Variants in PSME2 observed in about 807,000 individuals in gnomAD.
The protein encoded by PSME2 is proteasome activator complex subunit 2.
Under a neutral mutation model 38.8 loss-of-function variants are expected in PSME2, and 20 were observed. The ratio of observed to expected loss-of-function variants is 0.52; its 90% CI spans 0.36 to 0.75. PSME2 has a LOEUF of 0.75. PSME2 is among the 30% of genes least tolerant of loss of function. PSME2 has a pLI of 0.00. For missense variants in PSME2, 227 were observed against 287.6 expected, an observed-to-expected ratio of 0.79 and a Z score of 1.52; for synonymous variants, 82 against 102.5, an observed-to-expected ratio of 0.80 and a Z score of 1.21.
At chr14:24,145,534 A>G in intron 3 of PSME2, 69 bp from the exon 4 acceptor site, 17 of 1,496,324 alleles carry the variant, frequency 1.1e-5, no homozygotes, top group Non-Finnish European at 1.5e-5. Flanking sequence ...CCTTCCCTCC[A>G]TACATCCCAC....
chr14:24,145,626 T>C, intron 3 of PSME2, 84 bp downstream of exon 3: 1 of 1,512,790 alleles, frequency 6.6e-7, no homozygotes, highest in Non-Finnish European at 9.2e-7. Context: ...ATTCTCTGCA[T>C]GCTGAATCCA....
rs763982489 is a variant in PSME2, at chr14:24,144,484, T to G, written c.361-16A>C. On this transcript the variant is annotated splice_polypyrimidine_tract_variant and intron_variant, in intron 6 of 10. Coordinates refer to ENST00000216802, the MANE Select transcript of PSME2 (RefSeq NM_002818.3). ...ATGTAATCACCTGTGTTAAGAGGTA[T>G]CATGTAAGAATCATTCAACAAACAT... 7 of 1,598,976 alleles carry G rather than the reference T, an allele frequency of 4.4e-6. No homozygotes were observed. In the South Asian group the frequency reaches 7.7e-5, roughly 18 times the overall value.
At chr14:24,144,346 C>T (rs2038119633) in intron 7 of PSME2, 54 bp downstream of exon 7, 18 of 1,608,294 alleles carry the variant, frequency 1.1e-5, no homozygotes, top group Non-Finnish European at 1.5e-5. Context: ...TCATGTCTAG[C>T]TCACCCCCTG....
In PSME2 at chr14:24,146,217, A is replaced by C; in HGVS notation, c.72T>G (p.Leu24=). The change falls in exon 2 of 11, where the codon CTT becomes CTG. Residue 24 remains leucine (L), a synonymous_variant. Coordinates refer to ENST00000216802, the MANE Select transcript of PSME2 (RefSeq NM_002818.3). ...AAATCCAGAGACTTACCTCCTGGAA[A>C]AGATTCTGTCTGAAGACCTCCACCT... ...RKQVEVFRQN[L]FQEAEEFLYR... The C allele has an allele frequency of 6.2e-7, 1 of 1,613,140 alleles. No individual in the cohort carries two copies. Among genetic ancestry groups the C allele is most frequent in the Non-Finnish European group, 8.5e-7 (1 of 1,179,538 alleles).
At chr14:24,145,024 TTCTC>T in intron 6 of PSME2, 30 bp downstream of exon 6, 1 of 1,576,828 alleles carries the variant, frequency 6.3e-7, no homozygotes, top group East Asian at 2.2e-5. Flanking sequence ...CTTGTGTGTC[TTCTC>T]TTTCTGCTTC....
chr14:24,143,611 T>C lies in PSME2; in HGVS notation c.613A>G (p.Met205Val), dbSNP rs1165833361. 1.2e-6 allele frequency: 2 copies of C among 1,614,120 alleles called. No individual in the cohort carries two copies. Among genetic ancestry groups the C allele is most frequent in the African/African-American group, 1.3e-5 (1 of 75,022 alleles). ...DEAAYGELRA[M>V]VLDLRAFYAE... ...TAGAAGGCCCTCAGGTCCAGCACCA[T>C]GGCCCTGAGCTCCCCATAGGCTGCC... Residue 205 changes from methionine (M) to valine (V), a missense_variant, in exon 10 of 11, where the codon ATG (methionine) becomes GTG (valine). Physicochemically the swap from Met to Val is conservative, Grantham distance 21 (BLOSUM62 1). This residue lies in a region of PSME2 where 99 missense variants were observed against 113.9 expected (regional missense o/e 0.87). Coordinates refer to ENST00000216802, the MANE Select transcript of PSME2 (RefSeq NM_002818.3). This position sits in a 1 kb window ranked among gnomAD's most constrained non-coding sequence, Gnocchi z 4.4.
chr14:24,144,230 G>C lies in PSME2; in HGVS notation c.459C>G (p.Val153=), dbSNP rs17101478. The change falls in exon 8 of 11, where the codon GTC becomes GTG. Residue 153 remains valine, a synonymous_variant. Coordinates refer to ENST00000216802, the MANE Select transcript of PSME2 (RefSeq NM_002818.3). ...QEKVLERVNA[V]KTKVEAFQTT... is the part of the protein sequence containing the mutation. ...TCTGGAAAGCTTCCACTTTGGTCTTGACGGCATTCACCCTCTCCAGCACCT... is the reference window on the plus strand; with the variant it reads ...TCTGGAAAGCTTCCACTTTGGTCTTCACGGCATTCACCCTCTCCAGCACCT... 4.3e-3 allele frequency: 6,918 copies of C among 1,614,164 alleles called. 263 individuals are homozygous for C. The African/African-American group carries it at 0.083, about 19-fold the overall frequency.
rs762995861 is a variant in PSME2 at position 24,145,169 on chromosome 14, G to A, written c.263-14C>T. On this transcript the variant is annotated splice_polypyrimidine_tract_variant and intron_variant, in intron 5 of 10. Coordinates refer to ENST00000216802, the MANE Select transcript of PSME2 (RefSeq NM_002818.3). Reference sequence around the variant, plus strand: ...CACACTTATGGACTGTGAGAAAGAGGGGATTCAGGCCCTTTCTCATCCAGT... The same window carrying A: ...CACACTTATGGACTGTGAGAAAGAGAGGATTCAGGCCCTTTCTCATCCAGT... 6.2e-7 allele frequency: 1 copy of A among 1,611,506 alleles called. No individual in the cohort carries two copies. The highest frequency in any genetic ancestry group is 2.2e-5 in the East Asian group (1 of 44,862).
At position 24,144,272 on chromosome 14, in the gene PSME2, G is replaced by A. The variant is rs775740271; in HGVS notation, c.430-13C>T. 2.1e-5 allele frequency: 34 copies of A among 1,613,840 alleles called. No individual in the cohort carries two copies. The highest frequency in any genetic ancestry group is 4.4e-5 in the South Asian group (4 of 91,070). On this transcript the variant is annotated splice_polypyrimidine_tract_variant and intron_variant, in intron 7 of 10. Transcript: ENST00000216802. ...CCAGCACCTTCTCCTGTGGTGACACGGGAGGCAAAGACAACACTTCATGTC... is the reference window on the plus strand; with the variant it reads ...CCAGCACCTTCTCCTGTGGTGACACAGGAGGCAAAGACAACACTTCATGTC...
In PSME2 at chr14:24,145,209, C is replaced by T. The variant is rs370298301; in HGVS notation, c.262+34G>A. The T allele has an allele frequency of 2.5e-6, 4 of 1,613,102 alleles. No homozygotes were observed. In the African/African-American group the frequency reaches 4.0e-5, roughly 16 times the overall value. On this transcript the variant is annotated intron_variant, in intron 5 of 10. Coordinates refer to ENST00000216802, the MANE Select transcript of PSME2 (RefSeq NM_002818.3). ...TCTCATCCAGTAGTCAGTGTGCCATCACCCCTTCCCTAGTCACCTCTTATC... is the reference window on the plus strand; with the variant it reads ...TCTCATCCAGTAGTCAGTGTGCCATTACCCCTTCCCTAGTCACCTCTTATC...
In PSME2 at chr14:24,146,589, C is replaced by CA. The variant is rs1566610562; in HGVS notation, c.-9dup. ...CCCACACGGCTTGGCCATGCTGCTT[C>CA]AGTCGCTAGATCTCTGGTCTCCCGG... is the stretch of plus-strand genomic sequence containing the variant. On this transcript the variant is annotated 5_prime_UTR_variant, in exon 1 of 11. Transcript: ENST00000216802. 6.2e-7 allele frequency: 1 copy of CA among 1,613,276 alleles called. No individual in the cohort carries two copies.
rs1241657958 is a variant in PSME2, at chr14:24,145,252, TCTC to T, written c.250_252del (p.Glu84del). 2 of 1,613,846 alleles carry T rather than the reference TCTC, an allele frequency of 1.2e-6. No homozygotes were observed. Among genetic ancestry groups the T allele is most frequent in the African/African-American group, 1.3e-5 (1 of 74,888 alleles). On this transcript the variant is annotated inframe_deletion, in exon 5 of 11. Coordinates refer to ENST00000216802, the MANE Select transcript of PSME2 (RefSeq NM_002818.3). The stretch of plus-strand genomic sequence containing the variant: ...CTCTTATCTCTCTTACCTTCTTTCT[TCTC>T]CTGCTTATCTGTTTCCATCTAAGGC...
intron 2 of PSME2, 28 bp from the exon 3 acceptor site, chr14:24,145,800 A>G (rs775027714): frequency 6.3e-7 from 1 of 1,589,896 alleles, no homozygotes. Context: ...AGGGAGGGGA[A>G]TCACAGAATA....
chr14:24,143,518 G>A lies in PSME2; in HGVS notation c.640-29C>T. 1 of 1,613,356 alleles carries A rather than the reference G, an allele frequency of 6.2e-7. No homozygotes were observed. The highest frequency in any genetic ancestry group is 8.5e-7 in the Non-Finnish European group (1 of 1,179,316). On this transcript the variant is annotated intron_variant, in intron 10 of 10. Coordinates refer to ENST00000216802, the MANE Select transcript of PSME2 (RefSeq NM_002818.3). This position sits in a 1 kb window ranked among gnomAD's most constrained non-coding sequence, Gnocchi z 4.4. ...GGAGAAGGCCAGAGTGCAAGAGTCA[G>A]GTTCTTAGCCAATCCCCTGCCTGCC... is the stretch of plus-strand genomic sequence containing the variant.
chr14:24,144,565 C>T, intron 6 of PSME2, 97 bp from the exon 7 acceptor site: 2 of 1,144,318 alleles, frequency 1.7e-6, no homozygotes, highest in South Asian at 1.3e-5. Flanking sequence ...TAATTGGGTA[C>T]TTATTACATA....
Position 24,144,540 on chromosome 14 carries a change from A to T in PSME2, c.361-72T>A, listed in dbSNP as rs1311278919. 6 of 1,446,006 alleles carry T rather than the reference A, an allele frequency of 4.1e-6. No homozygotes were observed. In the African/African-American group the frequency reaches 4.2e-5, roughly 10 times the overall value. The allele number at this position is 1,446,006 out of a possible 1,614,324, so 89.6% of individuals were successfully genotyped here. A position where few individuals can be genotyped will look rare whatever the true frequency, so the allele number is the denominator to read the frequency against. On this transcript the variant is annotated intron_variant, in intron 6 of 10. Coordinates refer to ENST00000216802, the MANE Select transcript of PSME2 (RefSeq NM_002818.3). ...GTTCTTCCTATTACTGTCACTTCCT[A>T]AAAAAAGTTATATTTAATTGGGTAC...
intron 8 of PSME2, 61 bp downstream of exon 8, chr14:24,144,131 T>A (rs1487998425): frequency 1.2e-6 from 2 of 1,611,870 alleles, no homozygotes; most frequent in East Asian, 4.5e-5. Flanking sequence ...GCTGCCCAGC[T>A]CTGGGGGTCC....
chr14:24,145,821 G>A, intron 2 of PSME2, 49 bp from the exon 3 acceptor site: 5 of 1,557,548 alleles, frequency 3.2e-6, no homozygotes, highest in Non-Finnish European at 4.4e-6. Context: ...TGCTCAATGA[G>A]ATGTCTGACA....
intron 6 of PSME2, 153 bp downstream of exon 6, chr14:24,144,905 C>G (rs899959342): frequency 1.3e-6 from 1 of 761,336 alleles, no homozygotes; most frequent in African/African-American, 1.7e-5. Flanking sequence ...TCTAACAGAA[C>G]GAGGAGAACA....
Sources: allele counts gnomAD v4.1 joint callset, GRCh38; gene constraint gnomAD v4.1.1; regional missense constraint gnomAD v4.1.1; non-coding constraint Gnocchi (gnomAD v3.1); transcripts MANE v1.5; gene names NCBI Gene and HGNC (gene_info 2026-07-23, HGNC 2026-07-21).